PIR: variants seen among roughly 807,000 people sequenced by gnomAD.
PIR encodes the protein pirin (iron-binding nuclear protein).
Under a neutral mutation model 24.2 loss-of-function variants are expected in PIR, and 22 were observed. The ratio of observed to expected loss-of-function variants is 0.91; its 90% CI spans 0.65 to 1.30. The LOEUF is 1.30. Among genes scored for constraint, PIR ranks in the 50% most tolerant of loss-of-function variants. The probability of loss-of-function intolerance (pLI) is 0.00; values close to 1 mark genes in which losing one functional copy is unlikely to be tolerated. For synonymous variants in PIR, 80 were observed against 79.6 expected, an observed-to-expected ratio of 1.00 and a Z score of -0.03; for missense variants, 220 against 220.3, an observed-to-expected ratio of 1.00 and a Z score of 0.01.
intron 8 of PIR, among the ~76,000 whole-genome samples, chrX:15,391,785 C>T (rs1453670288): frequency 9.0e-6 from 1 of 111,680 alleles, no homozygotes; most frequent in Non-Finnish European, 1.9e-5. Context: ...ATGTCCAGCT[C>T]TTCTTCCTGA....
intron 5 of PIR, among the ~76,000 whole-genome samples, chrX:15,445,594 T>C (rs1020489832): frequency 3.6e-5 from 4 of 111,209 alleles, no homozygotes; most frequent in African/African-American, 9.8e-5. Flanking sequence ...GAAAAAGAGG[T>C]AAATTGTCAT....
intron 6 of PIR, among the ~76,000 whole-genome samples, chrX:15,422,130 G>A (rs1925151002): frequency 9.0e-6 from 1 of 110,592 alleles, no homozygotes; most frequent in Non-Finnish European, 1.9e-5. Context: ...AACAAACTGG[G>A]TATAGAATGA....
intron 5 of PIR, among the ~76,000 whole-genome samples, chrX:15,427,417 G>A (rs907115069): frequency 1.8e-5 from 2 of 110,597 alleles, no homozygotes; most frequent in Non-Finnish European, 3.8e-5. Flanking sequence ...TAGACAAAAA[G>A]AGAGAATCTG....
At chrX:15,417,433 T>C (rs1309368683) in intron 6 of PIR, among the ~76,000 whole-genome samples, 1 of 112,639 alleles carries the variant, frequency 8.9e-6, no homozygotes, top group Non-Finnish European at 1.9e-5. Context: ...AGCTACTGTA[T>C]GTATGGCATT....
intron 5 of PIR, among the ~76,000 whole-genome samples, chrX:15,451,744 GA>G (rs1287328096): frequency 4.5e-5 from 5 of 112,132 alleles, no homozygotes; most frequent in Non-Finnish European, 9.4e-5. Context: ...AGGCATTTTT[GA>G]AAATTAAATT....
At chrX:15,392,129 G>A (rs1323036771) in intron 8 of PIR, among the ~76,000 whole-genome samples, 1 of 111,178 alleles carries the variant, frequency 9.0e-6, no homozygotes, top group Non-Finnish European at 1.9e-5. Context: ...CCAGCTCCCA[G>A]CCTGCCAGCC....
chrX:15,416,503 C>T (rs1427586529), intron 6 of PIR, among the ~76,000 whole-genome samples: 1 of 111,637 alleles, frequency 9.0e-6, no homozygotes, highest in East Asian at 2.8e-4. Flanking sequence ...GTTTTCGAGT[C>T]ATTGACCATA....
intron 9 of PIR, among the ~76,000 whole-genome samples, chrX:15,385,595 T>C (rs1398411162): frequency 8.9e-6 from 1 of 112,199 alleles, no homozygotes; most frequent in African/African-American, 3.2e-5. Context: ...GCAGCACCTA[T>C]TGACAATAAA....
chrX:15,459,640 C>T lies in PIR; in HGVS notation c.273+17G>A, dbSNP rs1435397432. On this transcript the variant is annotated intron_variant, in intron 4 of 9. Transcript: ENST00000380420. ...AAAACTACTAAACCACCAGCAATTCCTTGTCCTTGGCCATACCTGCAAATC... is the reference window on the plus strand; with the variant it reads ...AAAACTACTAAACCACCAGCAATTCTTTGTCCTTGGCCATACCTGCAAATC... 8.9e-7 allele frequency: 1 copy of T among 1,120,038 alleles called. No homozygotes were observed. Among genetic ancestry groups the T allele is most frequent in the Admixed American group, 2.2e-5 (1 of 45,810 alleles). The allele number at this position is 1,120,038 out of a possible 1,213,427, so 92.3% of individuals were successfully genotyped here.
At chrX:15,468,495 G>A (rs1433003715) in intron 3 of PIR, among the ~76,000 whole-genome samples, 2 of 112,854 alleles carry the variant, frequency 1.8e-5, no homozygotes, top group Non-Finnish European at 3.7e-5. Context: ...TACAGAGGAA[G>A]AGGTTTCAGA....
chrX:15,413,693 C>T (rs1372527133), intron 6 of PIR, among the ~76,000 whole-genome samples: 2 of 112,266 alleles, frequency 1.8e-5, no homozygotes, highest in Non-Finnish European at 3.8e-5. Context: ...GCCCGTTTTA[C>T]CAAATTTGAT....
intron 5 of PIR, among the ~76,000 whole-genome samples, chrX:15,433,489 G>T (rs1296123591): frequency 1.1e-5 from 1 of 94,564 alleles, no homozygotes; most frequent in Non-Finnish European, 2.1e-5. Context: ...AAGAGGAAGA[G>T]GAAGAAGAAG....
chrX:15,471,346 TAGAC>T (rs922097629), intron 3 of PIR, among the ~76,000 whole-genome samples: 17 of 112,131 alleles, frequency 1.5e-4, no homozygotes, highest in Non-Finnish European at 5.6e-5. Context: ...ACCACTGACA[TAGAC>T]AGCACTCCAC....
At chrX:15,444,623 T>G (rs1200163460) in intron 5 of PIR, among the ~76,000 whole-genome samples, 1 of 111,716 alleles carries the variant, frequency 9.0e-6, no homozygotes, top group Non-Finnish European at 1.9e-5. Context: ...CTGACAGACT[T>G]TGTCAGTTAA....
intron 2 of PIR, 62 bp downstream of exon 2, chrX:15,491,100 C>A: frequency 1.3e-6 from 1 of 786,401 alleles, no homozygotes; most frequent in Non-Finnish European, 1.9e-6. Flanking sequence ...CCAAAATCAC[C>A]ATCAACATCC....
chrX:15,487,062 T>C (rs1357092886), intron 2 of PIR, among the ~76,000 whole-genome samples: 1 of 111,616 alleles, frequency 9.0e-6, no homozygotes, highest in Non-Finnish European at 1.9e-5. Flanking sequence ...GGCTACCTTC[T>C]GGGTTTACTC....
chrX:15,488,278 CAAAAA>C (rs1184870069), intron 2 of PIR, among the ~76,000 whole-genome samples: 4 of 31,916 alleles, frequency 1.3e-4, no homozygotes, highest in Non-Finnish European at 1.9e-4. Context: ...AACTCCGTCT[CAAAAA>C]AAAAAAAAAA....
chrX:15,397,742 T>G (rs1924217223), intron 7 of PIR, among the ~76,000 whole-genome samples: 1 of 76,381 alleles, frequency 1.3e-5, no homozygotes. Flanking sequence ...GACAAGGAGA[T>G]GAATCCTGCG....
chrX:15,431,678 C>CG lies in PIR; in HGVS notation c.481-5689_481-5688insC, dbSNP rs1430354161. On this transcript the variant is annotated intron_variant, in intron 5 of 9. Transcript: ENST00000380420. Reference sequence around the variant, plus strand: ...AAAAGTTAAAAAATAACCACCCCCCCCCCGAAAACCTTTGGAAAATGGACA... The same window carrying CG: ...AAAAGTTAAAAAATAACCACCCCCCCGCCCGAAAACCTTTGGAAAATGGACA... 4.2e-4 allele frequency among the ~76,000 whole-genome samples: 44 copies of CG among 104,522 alleles called. 1 individual carries two copies. The highest frequency in any genetic ancestry group is 1.5e-3 in the African/African-American group (42 of 28,276). The allele number at this position is 104,522 out of a possible 115,157, so 90.8% of individuals were successfully genotyped here.
Sources: gnomAD v4.1 joint callset for allele counts (sites outside exome capture counted in the v4.1 genomes callset) on GRCh38, gnomAD v4.1.1 for gene constraint, MANE v1.5 for transcripts, NCBI Gene and HGNC (gene_info 2026-07-23, HGNC 2026-07-21) for gene names.